The following SOS2 variants were observed in gnomAD, a reference collection of about 807,000 sequenced individuals.
SOS2 encodes the protein SOS Ras/Rho guanine nucleotide exchange factor 2, also known as son of sevenless homolog 2.
Under a neutral mutation model 148.2 loss-of-function variants are expected in SOS2, and 65 were observed. The observed-to-expected ratio is 0.44, with a 90% confidence interval of 0.36 to 0.54. The LOEUF is 0.54. SOS2 is among the 20% of genes least tolerant of loss of function. The probability of loss-of-function intolerance (pLI) is 0.00; values close to 1 mark genes in which losing one functional copy is unlikely to be tolerated. For synonymous variants in SOS2, 539 were observed against 537.1 expected, an observed-to-expected ratio of 1.00 and a Z score of -0.05; for missense variants, 1,341 against 1,590.2, an observed-to-expected ratio of 0.84 and a Z score of 2.67.
chr14:50,161,968 C>T (rs889649465), intron 8 of SOS2, among the ~76,000 whole-genome samples: 2 of 151,856 alleles, frequency 1.3e-5, no homozygotes, highest in Non-Finnish European at 2.9e-5. Context: ...CCAGGCTGGT[C>T]TTGAACACCT....
chr14:50,190,690 T>C (rs1886101153), intron 4 of SOS2, among the ~76,000 whole-genome samples: 1 of 152,214 alleles, frequency 6.6e-6, no homozygotes, highest in South Asian at 2.1e-4. Flanking sequence ...AAATCCTAAC[T>C]TCTTTAGGAT....
At position 50,118,862 on chromosome 14, in the gene SOS2, A is replaced by AG. The variant is rs1883405544; in HGVS notation, c.3490-10_3490-9insC. 1 of 1,448,282 alleles carries AG rather than the reference A, an allele frequency of 6.9e-7. No individual in the cohort carries two copies. The highest frequency in any genetic ancestry group is 2.4e-5 in the Admixed American group (1 of 40,984). 89.7% of individuals were successfully genotyped at this position (1,448,282 alleles called of 1,614,324 possible). On this transcript the variant is annotated splice_polypyrimidine_tract_variant and intron_variant, in intron 22 of 22. Coordinates refer to ENST00000216373, the MANE Select transcript of SOS2 (RefSeq NM_006939.4). ...TCAGATTTCATATTTCCCTCAAAAA[A>AG]AAAAGTAATTAAATTATACCTCTAT...
At chr14:50,188,804 T>G in intron 4 of SOS2, 104 bp from the exon 5 acceptor site, 1 of 797,250 alleles carries the variant, frequency 1.3e-6, no homozygotes, top group Non-Finnish European at 1.9e-6. Context: ...GGCTGGGTGT[T>G]GTAATCCCAG....
At chr14:50,224,992 T>C (rs1295359178) in intron 1 of SOS2, among the ~76,000 whole-genome samples, 2 of 152,034 alleles carry the variant, frequency 1.3e-5, no homozygotes, top group Non-Finnish European at 2.9e-5. Flanking sequence ...GAGCTAATAC[T>C]AGTCCTTATA....
At chr14:50,190,748 T>C (rs1886103149) in intron 4 of SOS2, among the ~76,000 whole-genome samples, 1 of 152,192 alleles carries the variant, frequency 6.6e-6, no homozygotes, top group Admixed American at 6.5e-5. Context: ...AATCTCATGT[T>C]CTGTGACACT....
intron 5 of SOS2, among the ~76,000 whole-genome samples, chr14:50,183,754 C>A (rs1462515370): frequency 6.6e-6 from 1 of 152,148 alleles, no homozygotes; most frequent in Admixed American, 6.6e-5. Context: ...AAGATAACTC[C>A]TAATCCTGTT....
At chr14:50,222,733 T>C (rs563119714) in intron 1 of SOS2, among the ~76,000 whole-genome samples, 1 of 152,230 alleles carries the variant, frequency 6.6e-6, no homozygotes, top group South Asian at 2.1e-4. Flanking sequence ...AGGGACAATA[T>C]TAAAGAGGTC....
intron 13 of SOS2, among the ~76,000 whole-genome samples, chr14:50,150,684 C>T (rs551304264): frequency 3.9e-5 from 6 of 152,022 alleles, no homozygotes; most frequent in Non-Finnish European, 8.8e-5. Flanking sequence ...ACCTCAGCCT[C>T]CCAAGTAGCT....
intron 21 of SOS2, among the ~76,000 whole-genome samples, chr14:50,129,258 A>G (rs965100634): frequency 1.3e-5 from 2 of 152,186 alleles, no homozygotes; most frequent in African/African-American, 4.8e-5. Flanking sequence ...AACCTGATAA[A>G]CATTTACTAT....
rs139982596 is a variant in SOS2 at position 50,158,167 on chromosome 14, T to C, written c.1934+398A>G. On this transcript the variant is annotated intron_variant, in intron 11 of 22. Coordinates refer to ENST00000216373, the MANE Select transcript of SOS2 (RefSeq NM_006939.4). ...TTCTTGTATCTGCTCTTGTATGTGT[T>C]TTGAAAGTTTTCATAACAAGTTTGT... is the stretch of plus-strand genomic sequence containing the variant. Among the ~76,000 whole-genome samples the C allele has an allele frequency of 7.9e-3, 1,205 of 152,252 alleles. 13 individuals are homozygous for C. The highest frequency in any genetic ancestry group is 0.027 in the African/African-American group (1,126 of 41,550).
chr14:50,185,229 T>C (rs1885869337), intron 5 of SOS2, among the ~76,000 whole-genome samples: 1 of 152,186 alleles, frequency 6.6e-6, no homozygotes, highest in Non-Finnish European at 1.5e-5. Flanking sequence ...ACAGTCGTGT[T>C]GGGACTGAGT....
intron 8 of SOS2, among the ~76,000 whole-genome samples, chr14:50,165,491 G>GA (rs1222604628): frequency 6.6e-6 from 1 of 152,058 alleles, no homozygotes; most frequent in East Asian, 1.9e-4. Context: ...CTGAACAAAG[G>GA]AAAAATCAAT....
intron 12 of SOS2, 51 bp from the exon 13 acceptor site, chr14:50,153,224 C>G (rs745587681): frequency 1.0e-6 from 1 of 1,000,304 alleles, no homozygotes; most frequent in East Asian, 2.4e-5. Context: ...TGTTCAATTA[C>G]ACTTCTTCCT....
At chr14:50,210,977 T>G (rs1305689185) in intron 1 of SOS2, among the ~76,000 whole-genome samples, 1 of 152,102 alleles carries the variant, frequency 6.6e-6, no homozygotes, top group Non-Finnish European at 1.5e-5. Flanking sequence ...AACTTTGCCA[T>G]TAAGTACTAA....
intron 1 of SOS2, among the ~76,000 whole-genome samples, chr14:50,208,806 C>T (rs1051283641): frequency 1.3e-5 from 2 of 152,120 alleles, no homozygotes; most frequent in Non-Finnish European, 2.9e-5. Flanking sequence ...TTGCAGTAAA[C>T]CAAGAAAAAG....
At chr14:50,165,091 A>C (rs1255774355) in intron 8 of SOS2, among the ~76,000 whole-genome samples, 1 of 152,132 alleles carries the variant, frequency 6.6e-6, no homozygotes, top group African/African-American at 2.4e-5. Context: ...AATTACTCTC[A>C]AATAGTATCA....
intron 4 of SOS2, among the ~76,000 whole-genome samples, chr14:50,192,670 C>A (rs1394686221): frequency 6.6e-6 from 1 of 152,142 alleles, no homozygotes; most frequent in Non-Finnish European, 1.5e-5. Flanking sequence ...TCGAGACCAG[C>A]CTGGCCAACA....
chr14:50,163,523 T>C (rs1180454584), intron 8 of SOS2, among the ~76,000 whole-genome samples: 1 of 152,144 alleles, frequency 6.6e-6, no homozygotes, highest in Non-Finnish European at 1.5e-5. Flanking sequence ...GCAACATAAA[T>C]AATGTAAATG....
chr14:50,217,881 G>A (rs1026078799), intron 1 of SOS2, among the ~76,000 whole-genome samples: 7 of 152,044 alleles, frequency 4.6e-5, no homozygotes, highest in African/African-American at 7.2e-5. Flanking sequence ...GTGTGAACCC[G>A]GAGGCAGAGC....
Sources: allele counts gnomAD v4.1 joint callset (sites outside exome capture counted in the v4.1 genomes callset), GRCh38; gene constraint gnomAD v4.1.1; transcripts MANE v1.5; gene names NCBI Gene and HGNC (gene_info 2026-07-23, HGNC 2026-07-21).